Variants in HERC3 observed in about 807,000 individuals in gnomAD.
The protein encoded by HERC3 is HECT and RLD domain containing E3 ubiquitin protein ligase 3.
In HERC3, 58 loss-of-function variants were observed where a neutral mutation model predicts 129.9. The observed-to-expected ratio is 0.45, with a 90% CI of 0.36 to 0.56. The LOEUF (loss-of-function observed/expected upper bound fraction) is 0.56, where lower values mean the gene tolerates loss of function less well. HERC3 is among the 20% of genes least tolerant of loss of function. The pLI is 0.00. For synonymous variants in HERC3, 430 were observed against 451.0 expected, an observed-to-expected ratio of 0.95 and a Z score of 0.59; for missense variants, 835 against 1,244.2, an observed-to-expected ratio of 0.67 and a Z score of 4.95.
intron 3 of HERC3, among the ~76,000 whole-genome samples, chr4:88,630,556 G>A (rs1345064428): frequency 6.6e-6 from 1 of 152,182 alleles, no homozygotes; most frequent in Non-Finnish European, 1.5e-5. Context: ...AGCCGGTGCT[G>A]TAGTTTTACA....
intron 3 of HERC3, among the ~76,000 whole-genome samples, chr4:88,614,485 A>G (rs1336208336): frequency 1.3e-5 from 2 of 152,176 alleles, no homozygotes; most frequent in South Asian, 2.1e-4. Flanking sequence ...GCCCACCCAG[A>G]AGCTTGTATT....
intron 3 of HERC3, among the ~76,000 whole-genome samples, chr4:88,631,390 G>T (rs937607308): frequency 6.6e-6 from 1 of 152,214 alleles, no homozygotes; most frequent in East Asian, 1.9e-4. Flanking sequence ...AGGAGGCAGA[G>T]GTTACAGTGA....
chr4:88,540,274 A>G, the HERC3 span, among the ~76,000 whole-genome samples: 2 of 152,258 alleles, frequency 1.3e-5, no homozygotes, highest in African/African-American at 4.8e-5. Flanking sequence ...GCTGAAAACC[A>G]CAGTGCGAGA....
the HERC3 span, among the ~76,000 whole-genome samples, chr4:88,538,865 A>G: frequency 6.6e-6 from 1 of 152,052 alleles, no homozygotes; most frequent in East Asian, 1.9e-4. Flanking sequence ...TTTATAAGAC[A>G]TCTGTCATAT....
chr4:88,543,169 G>A, the HERC3 span, among the ~76,000 whole-genome samples: 2 of 152,190 alleles, frequency 1.3e-5, no homozygotes, highest in Non-Finnish European at 2.9e-5. Flanking sequence ...CAAATGACAT[G>A]ATTGTAAATT....
chr4:88,529,548 G>A, the HERC3 span, among the ~76,000 whole-genome samples: 8 of 152,298 alleles, frequency 5.3e-5, no homozygotes, highest in Non-Finnish European at 1.0e-4. Flanking sequence ...GAGGTCAGGA[G>A]TTCAAGACCA....
At chr4:88,656,250 G>A (rs1729886394) in intron 9 of HERC3, 1 of 559,304 alleles carries the variant, frequency 1.8e-6, no homozygotes, top group Admixed American at 3.1e-5. Flanking sequence ...GTTGTGTTAG[G>A]CCGTTCTTGC....
intron 21 of HERC3, among the ~76,000 whole-genome samples, chr4:88,682,656 C>T (rs1418114943): frequency 2.6e-5 from 4 of 152,228 alleles, no homozygotes; most frequent in African/African-American, 9.6e-5. Flanking sequence ...ATGAACTCAT[C>T]ATTTTTTATG....
At chr4:88,634,822 C>G (rs1727190051) in intron 3 of HERC3, among the ~76,000 whole-genome samples, 1 of 152,050 alleles carries the variant, frequency 6.6e-6, no homozygotes, top group Non-Finnish European at 1.5e-5. Flanking sequence ...CCACTCTTCT[C>G]CAGTCTCCTC....
Position 88,707,156 on chromosome 4 carries a change from G to A in HERC3, c.*196G>A, listed in dbSNP as rs1735853864. 1.7e-6 allele frequency: 1 copy of A among 584,474 alleles called. No homozygotes were observed. The highest frequency in any genetic ancestry group is 3.0e-6 in the Non-Finnish European group (1 of 331,972). The allele number at this position is 584,474 out of a possible 1,614,324, so 36.2% of individuals were successfully genotyped here. On this transcript the variant is annotated 3_prime_UTR_variant, in exon 26 of 26. Coordinates refer to ENST00000402738, the MANE Select transcript of HERC3 (RefSeq NM_014606.3). Reference sequence around the variant, plus strand: ...TTTTGAAAAATTAGAGGTTGGGGATGGGGTGAAAAATTGGCCCTTGTATGG... The same window carrying A: ...TTTTGAAAAATTAGAGGTTGGGGATAGGGTGAAAAATTGGCCCTTGTATGG...
intron 3 of HERC3, among the ~76,000 whole-genome samples, chr4:88,625,330 G>T (rs184484046): frequency 7.9e-5 from 12 of 152,138 alleles, no homozygotes. Context: ...CATGAACATG[G>T]TGTGTCTCTC....
chr4:88,544,701 A>G, the HERC3 span, among the ~76,000 whole-genome samples: 1 of 152,366 alleles, frequency 6.6e-6, no homozygotes, highest in East Asian at 1.9e-4. Flanking sequence ...TGGATTAAGA[A>G]AATGTGGCAC....
Position 88,658,376 on chromosome 4 carries a change from T to C in HERC3, c.1070-39T>C. The C allele has an allele frequency of 4.3e-6, 5 of 1,175,256 alleles. No homozygotes were observed. In the South Asian group the frequency reaches 6.6e-5, roughly 16 times the overall value. The allele number at this position is 1,175,256 out of a possible 1,614,324, so 72.8% of individuals were successfully genotyped here. ...AAAGGGGATCAAGGAGAAACTTCAATTAATGAAAAATATGCTTTCGGAATT... is the reference window on the plus strand; with the variant it reads ...AAAGGGGATCAAGGAGAAACTTCAACTAATGAAAAATATGCTTTCGGAATT... On this transcript the variant is annotated intron_variant, in intron 9 of 25. Transcript: ENST00000402738.
chr4:88,629,103 A>G (rs1726461084), intron 3 of HERC3, among the ~76,000 whole-genome samples: 1 of 152,234 alleles, frequency 6.6e-6, no homozygotes, highest in South Asian at 2.1e-4. Context: ...GGTTGCAGTG[A>G]GCCGAGATTG....
chr4:88,580,005 A>G, the HERC3 span, among the ~76,000 whole-genome samples: 1 of 152,184 alleles, frequency 6.6e-6, no homozygotes, highest in African/African-American at 2.4e-5. Flanking sequence ...CTCATTTCAG[A>G]CTTCTAGCCT....
the HERC3 span, among the ~76,000 whole-genome samples, chr4:88,567,287 C>A: frequency 1.3e-5 from 2 of 152,112 alleles, no homozygotes; most frequent in Non-Finnish European, 2.9e-5. Flanking sequence ...TAGGTTAAAT[C>A]TGCTTGGTTT....
chr4:88,566,482 A>C, the HERC3 span, among the ~76,000 whole-genome samples: 1 of 152,170 alleles, frequency 6.6e-6, no homozygotes, highest in Non-Finnish European at 1.5e-5. Flanking sequence ...TGTTGTAGCT[A>C]TTTTTGATCA....
chr4:88,545,430 C>CCTTTTTTTTTTTTTTTTTTTTTTTT, the HERC3 span, among the ~76,000 whole-genome samples: 192 of 110,394 alleles, frequency 1.7e-3, 8 homozygotes, highest in African/African-American at 4.3e-3. Context: ...TTTGAGAATT[C>CCTTTTTTTTTTTTTTTTTTTTTTTT]TTTTTTTTTT....
intron 9 of HERC3, chr4:88,658,201 A>T (rs1730124248): frequency 2.8e-6 from 1 of 360,716 alleles, no homozygotes; most frequent in Non-Finnish European, 4.9e-6. Flanking sequence ...GCAGAAGAAG[A>T]GTTAGAGTGG....
Sources: gnomAD v4.1 joint callset for allele counts (sites outside exome capture counted in the v4.1 genomes callset) on GRCh38, gnomAD v4.1.1 for gene constraint, MANE v1.5 for transcripts, NCBI Gene and HGNC (gene_info 2026-07-23, HGNC 2026-07-21) for gene names.